The following PODN variants were observed in gnomAD, a reference collection of about 807,000 sequenced individuals.
PODN encodes podocan, also known as podocan proteoglycan.
A neutral mutation model predicts 52.7 loss-of-function variants in PODN; 40 were observed. That is an observed-to-expected ratio of 0.76 (90% CI 0.59 to 0.99). PODN has a LOEUF of 0.99. Among genes scored for constraint, PODN ranks in the 50% least tolerant of loss-of-function variants. The pLI, the probability that PODN is intolerant of heterozygous loss-of-function variation, is 0.00. For missense variants in PODN, 720 were observed against 815.1 expected, an observed-to-expected ratio of 0.88 and a Z score of 1.42; for synonymous variants, 396 against 377.9, an observed-to-expected ratio of 1.05 and a Z score of -0.56.
At chr1:53,083,109 T>C (rs1204768221) in intron 10 of PODN, among the ~76,000 whole-genome samples, 1 of 152,152 alleles carries the variant, frequency 6.6e-6, no homozygotes, top group Non-Finnish European at 1.5e-5. Context: ...TGTGACTTTG[T>C]AGCAGCAGGG....
chr1:53,083,667 A>G (rs1365572463), intron 10 of PODN, among the ~76,000 whole-genome samples: 1 of 152,232 alleles, frequency 6.6e-6, no homozygotes, highest in Admixed American at 6.5e-5. Context: ...TTTTCAGCCA[A>G]GAGTTCAGGA....
At chr1:53,077,611 A>C in intron 6 of PODN, 74 bp from the exon 7 acceptor site, 1 of 1,421,052 alleles carries the variant, frequency 7.0e-7, no homozygotes. Flanking sequence ...ACTCCTCTCC[A>C]CACCTCATCC....
intron 6 of PODN, 102 bp downstream of exon 6, chr1:53,077,448 G>C (rs1557654888): frequency 3.3e-6 from 5 of 1,506,082 alleles, no homozygotes; most frequent in East Asian, 2.3e-5. Context: ...GGCCACAGGT[G>C]CTGCCCAAGT....
intron 1 of PODN, among the ~76,000 whole-genome samples, chr1:53,066,040 G>A (rs1644028241): frequency 7.6e-6 from 1 of 132,274 alleles, no homozygotes; most frequent in African/African-American, 3.2e-5. Context: ...CTGTTACCCA[G>A]GCTAGAGTGT....
chr1:53,082,698 T>A (rs1644313092), intron 10 of PODN, among the ~76,000 whole-genome samples: 1 of 152,176 alleles, frequency 6.6e-6, no homozygotes, highest in South Asian at 2.1e-4. Flanking sequence ...TGCACACGGA[T>A]GCACCAACAC....
chr1:53,076,002 C>G lies in PODN; in HGVS notation c.581+31C>G, dbSNP rs757517570. The G allele has an allele frequency of 4.3e-5, 65 of 1,519,204 alleles. No homozygotes were observed. In the African/African-American group the frequency reaches 7.6e-4, roughly 18 times the overall value. 94.1% of individuals were successfully genotyped at this position (1,519,204 alleles called of 1,614,324 possible). A position where few individuals can be genotyped will look rare whatever the true frequency, so the allele number is the denominator to read the frequency against. On this transcript the variant is annotated intron_variant, in intron 5 of 10. Coordinates refer to ENST00000312553, the MANE Select transcript of PODN (RefSeq NM_153703.5). ...AGGTCGGGGGTGGTCAGGGCTCGGG[C>G]TGGGGCAAGGGGAGGGGCTGAGGTG...
Position 53,078,638 on chromosome 1 carries a change from T to C in PODN, c.1128T>C (p.Ser376=), listed in dbSNP as rs1644234955. The C allele has an allele frequency of 1.2e-6, 2 of 1,613,062 alleles. No individual in the cohort carries two copies. The highest frequency in any genetic ancestry group is 2.2e-5 in the East Asian group (1 of 44,884). Residue 376 remains serine, a synonymous_variant, in exon 8 of 11, where the codon AGT becomes AGC. Transcript: ENST00000312553. Reference sequence around the variant, plus strand: ...ACAACGCGCTGGAGCGCGTGCCCAGTGGCCTGCCTCGCCGCGTGCGCACCC... The same window carrying C: ...ACAACGCGCTGGAGCGCGTGCCCAGCGGCCTGCCTCGCCGCGTGCGCACCC... ...LYNNALERVP[S]GLPRRVRTLM...
intron 1 of PODN, among the ~76,000 whole-genome samples, chr1:53,068,511 G>A (rs1644065686): frequency 6.6e-6 from 1 of 151,482 alleles, no homozygotes; most frequent in South Asian, 2.1e-4. Flanking sequence ...CTGCAGTGGT[G>A]ACAGCAGCTC....
chr1:53,066,437 T>C (rs991738939), intron 1 of PODN, among the ~76,000 whole-genome samples: 2 of 152,256 alleles, frequency 1.3e-5, no homozygotes, highest in African/African-American at 2.4e-5. Context: ...ATTATTTTTT[T>C]GTACGACATC....
chr1:53,082,297 A>G (rs770890057), intron 10 of PODN, 109 bp downstream of exon 10: 11 of 1,355,328 alleles, frequency 8.1e-6, no homozygotes, highest in Non-Finnish European at 1.0e-5. Flanking sequence ...CCTCTGCTTC[A>G]TCCACCCATT....
rs1234997750 is a variant in PODN, at chr1:53,078,834, C to T, written c.1324C>T (p.Leu442=). 1 of 1,612,772 alleles carries T rather than the reference C, an allele frequency of 6.2e-7. No homozygotes were observed. The highest frequency in any genetic ancestry group is 1.3e-5 in the African/African-American group (1 of 75,070). ...CTCGCTGGACCTGTCGGGCAACCGG[C>T]TGCACACGCTGCCACCTGGGCTGCC... ...LRSLDLSGNR[L]HTLPPGLPRN... is the part of the protein sequence containing the mutation. Residue 442 remains leucine, a synonymous_variant, in exon 8 of 11, where the codon CTG becomes TTG. Coordinates refer to ENST00000312553, the MANE Select transcript of PODN (RefSeq NM_153703.5).
At position 53,063,444 on chromosome 1, in the gene PODN, C is replaced by T. The variant is rs544000369; in HGVS notation, c.-56+1136C>T. Reference sequence around the variant, plus strand: ...AACCGGGAGAGCCCCTGGGTGGTCCCGTCCCCTATCCCTCCTTTATATAGA... The same window carrying T: ...AACCGGGAGAGCCCCTGGGTGGTCCTGTCCCCTATCCCTCCTTTATATAGA... On this transcript the variant is annotated intron_variant, in intron 1 of 10. Transcript: ENST00000312553. The T allele has an allele frequency of 1.8e-4, 176 of 985,554 alleles. 2 individuals are homozygous for T. The African/African-American group carries it at 2.8e-3, about 16-fold the overall frequency. 61.1% of individuals were successfully genotyped at this position (985,554 alleles called of 1,614,324 possible). A position where few individuals can be genotyped will look rare whatever the true frequency, so the allele number is the denominator to read the frequency against.
At chr1:53,071,770 C>T (rs1469566362) in intron 3 of PODN, 142 bp downstream of exon 3, 9 of 782,028 alleles carry the variant, frequency 1.2e-5, no homozygotes, top group Non-Finnish European at 1.6e-5. Flanking sequence ...GCCAGGCTAG[C>T]AGTGGGGCTG....
intron 10 of PODN, among the ~76,000 whole-genome samples, chr1:53,083,539 A>G (rs1405757173): frequency 6.6e-6 from 1 of 152,176 alleles, no homozygotes; most frequent in East Asian, 1.9e-4. Flanking sequence ...TGGTGGCCAG[A>G]TGTGAAGCCA....
At chr1:53,080,231 G>A (rs190372701) in intron 8 of PODN, among the ~76,000 whole-genome samples, 10 of 152,302 alleles carry the variant, frequency 6.6e-5, no homozygotes, top group South Asian at 2.1e-4. Flanking sequence ...ACCTCTGCAC[G>A]TGTGGCCCCT....
intron 6 of PODN, 70 bp downstream of exon 6, chr1:53,077,416 G>A: frequency 1.3e-6 from 2 of 1,576,242 alleles, no homozygotes; most frequent in South Asian, 2.3e-5. Context: ...GGGGCCTGCA[G>A]GGGAAGAGCT....
At position 53,082,125 on chromosome 1, in the gene PODN, GGAA is replaced by G. The variant is rs371150672; in HGVS notation, c.1809_1811del (p.Glu611del). The G allele has an allele frequency of 3.4e-4, 545 of 1,599,724 alleles. 2 individuals are homozygous for G. The highest frequency in any genetic ancestry group is 2.8e-3 in the Admixed American group (161 of 58,430). On this transcript the variant is annotated inframe_deletion, in exon 10 of 11. Coordinates refer to ENST00000312553, the MANE Select transcript of PODN (RefSeq NM_153703.5). ...GCTTGGGGAAGGAAAAGGAGGAGGA[GGAA>G]GAGGAGGAGGAGGAGGAAGAGGAAA...
At chr1:53,074,466 C>T in intron 3 of PODN, 140 bp from the exon 4 acceptor site, 2 of 914,362 alleles carry the variant, frequency 2.2e-6, no homozygotes, top group Non-Finnish European at 3.6e-6. Context: ...GGCAGGCCCC[C>T]CAACTGCTTG....
chr1:53,078,286 C>T (rs571754220), intron 7 of PODN, 79 bp from the exon 8 acceptor site: 1 of 1,422,046 alleles, frequency 7.0e-7, no homozygotes, highest in African/African-American at 1.4e-5. Context: ...AATTCCCCAG[C>T]CACATCTCTT....
Sources: gnomAD v4.1 joint callset for allele counts (sites outside exome capture counted in the v4.1 genomes callset) on GRCh38, gnomAD v4.1.1 for gene constraint, MANE v1.5 for transcripts, NCBI Gene and HGNC (gene_info 2026-07-23, HGNC 2026-07-21) for gene names.